The following CELF2 variants were observed in gnomAD, a reference collection of about 807,000 sequenced individuals.
CELF2 encodes the protein CUGBP Elav-like family member 2, also known as CUG triplet repeat RNA-binding protein 2.
A neutral mutation model predicts 62.6 loss-of-function variants in CELF2; 8 were observed. The ratio of observed to expected loss-of-function variants is 0.13; its 90% CI spans 0.07 to 0.23. CELF2 has a LOEUF of 0.23. Among genes scored for constraint, CELF2 ranks in the 10% least tolerant of loss-of-function variants. The probability of loss-of-function intolerance (pLI) is 1.00; values close to 1 mark genes in which losing one functional copy is unlikely to be tolerated. For synonymous variants in CELF2, 258 were observed against 250.0 expected (o/e 1.03, Z -0.30); for missense variants, 333 against 671.0 (o/e 0.50, Z 5.56).
At position 10,986,339 on chromosome 10, in the gene CELF2, A is replaced by G. The variant is rs370311655; in HGVS notation, c.89+66340A>G. On this transcript the variant is annotated intron_variant, in intron 2 of 13. Coordinates refer to the CELF2 transcript ENST00000636488. ...CTAAGAAAGCTGTTTTATAACATGG[A>G]CATAATCAAGTTTTCTGTGAGTCTG... Among the ~76,000 whole-genome samples the G allele has an allele frequency of 4.6e-5, 7 of 152,338 alleles. No homozygotes were observed. The East Asian group carries it at 1.2e-3, about 25-fold the overall frequency.
Position 11,224,386 on chromosome 10 carries a change from G to A in CELF2, c.354+6879G>A, listed in dbSNP as rs1178421928. On this transcript the variant is annotated intron_variant, in intron 3 of 12. Transcript: ENST00000633077. The surrounding 1 kb of genome is among the most constrained non-coding windows in gnomAD (Gnocchi z 4.5). The stretch of plus-strand genomic sequence containing the variant: ...GAGGGGATGGTAGGATGGTACAATG[G>A]CAAAATGAAGCCATAGTTAGATTTC... Among the ~76,000 whole-genome samples the A allele has an allele frequency of 6.6e-6, 1 of 152,120 alleles. No homozygotes were observed. The highest frequency in any genetic ancestry group is 6.5e-5 in the Admixed American group (1 of 15,278).
At chr10:11,273,236 G>A (rs566192932) in intron 7 of CELF2, among the ~76,000 whole-genome samples, 27 of 152,012 alleles carry the variant, frequency 1.8e-4, no homozygotes, top group East Asian at 1.7e-3. Flanking sequence ...TACCAGTACC[G>A]GTCCATGGCT....
At chr10:10,968,792 C>T (rs1439674900) in intron 2 of CELF2, among the ~76,000 whole-genome samples, 1 of 151,374 alleles carries the variant, frequency 6.6e-6, no homozygotes, top group East Asian at 1.9e-4. Context: ...TATTACTTTT[C>T]CTGGCAAAGA....
chr10:10,910,879 G>A (rs1451101555), intron 1 of CELF2, among the ~76,000 whole-genome samples: 1 of 152,160 alleles, frequency 6.6e-6, no homozygotes, highest in Non-Finnish European at 1.5e-5. Context: ...TCAAGAGCTG[G>A]TTACATTTGC....
At chr10:10,804,201 T>C (rs2054964027) in intron 1 of CELF2, among the ~76,000 whole-genome samples, 1 of 152,224 alleles carries the variant, frequency 6.6e-6, no homozygotes, top group African/African-American at 2.4e-5. Context: ...AGATGATGAA[T>C]ATTTCAGGTT....
chr10:10,577,008 A>G, the CELF2 span, among the ~76,000 whole-genome samples: 1 of 152,324 alleles, frequency 6.6e-6, no homozygotes, highest in Non-Finnish European at 1.5e-5. Flanking sequence ...CACTAATCAC[A>G]CAAAGGGGAA....
At chr10:11,091,948 C>T (rs2048438488) in intron 1 of CELF2, among the ~76,000 whole-genome samples, 1 of 152,160 alleles carries the variant, frequency 6.6e-6, no homozygotes, top group South Asian at 2.1e-4. Flanking sequence ...TTTAGAAAAG[C>T]AGAATAAAAT....
At chr10:11,216,712 C>T (rs2063452686) in intron 2 of CELF2, among the ~76,000 whole-genome samples, 1 of 152,220 alleles carries the variant, frequency 6.6e-6, no homozygotes, top group Non-Finnish European at 1.5e-5. Flanking sequence ...GGGCCGGGGA[C>T]TCCCACAGGC....
the CELF2 span, among the ~76,000 whole-genome samples, chr10:10,681,445 G>A: frequency 6.6e-6 from 1 of 152,068 alleles, no homozygotes; most frequent in Non-Finnish European, 1.5e-5. Flanking sequence ...GGATATGCAG[G>A]TCATACCCTC....
chr10:11,135,854 G>A (rs1226527065), intron 1 of CELF2, among the ~76,000 whole-genome samples: 5 of 152,150 alleles, frequency 3.3e-5, no homozygotes, highest in South Asian at 2.1e-4. Context: ...TGGCCTGGGC[G>A]GTGGTGGGGA....
chr10:11,257,790 G>A lies in CELF2; in HGVS notation c.456G>A (p.Glu152=). Residue 152 remains glutamate, a synonymous_variant, in exon 5 of 13, where the codon GAG becomes GAA. Transcript: ENST00000633077. ...GAATGGTATCGAAGAAATGTAATGA[G>A]AACGACATCAGGGTGATGTTCTCTC... The part of the protein sequence containing the change: ...FIGMVSKKCN[E]NDIRVMFSPF... The A allele has an allele frequency of 1.9e-6, 3 of 1,614,092 alleles. No homozygotes were observed. The highest frequency in any genetic ancestry group is 2.5e-6 in the Non-Finnish European group (3 of 1,179,912).
intron 1 of CELF2, among the ~76,000 whole-genome samples, chr10:11,106,100 C>G (rs569286392): frequency 4.9e-4 from 75 of 152,178 alleles, no homozygotes; most frequent in Middle Eastern, 6.8e-3. Context: ...TCAGATATGT[C>G]TTGATCATTT....
chr10:10,538,128 G>A, the CELF2 span, among the ~76,000 whole-genome samples: 1 of 152,192 alleles, frequency 6.6e-6, no homozygotes, highest in Non-Finnish European at 1.5e-5. Context: ...AGAGCATCCT[G>A]AGAGTTGTTG....
intron 1 of CELF2, among the ~76,000 whole-genome samples, chr10:11,048,407 A>G (rs749570119): frequency 6.6e-6 from 1 of 152,148 alleles, no homozygotes; most frequent in Non-Finnish European, 1.5e-5. Context: ...AACCTGACAT[A>G]TACTTGATAA....
At chr10:11,286,067 C>A (rs1417801212) in intron 8 of CELF2, among the ~76,000 whole-genome samples, 2 of 152,180 alleles carry the variant, frequency 1.3e-5, no homozygotes, top group Admixed American at 6.5e-5. Flanking sequence ...TAAATGTAAA[C>A]CCTGTCTCCT....
chr10:11,019,498 A>G (rs2057943722), intron 1 of CELF2, among the ~76,000 whole-genome samples: 1 of 151,992 alleles, frequency 6.6e-6, no homozygotes, highest in South Asian at 2.1e-4. Flanking sequence ...CTGCCATGCT[A>G]GATTCTTTTT....
chr10:10,668,401 G>A, the CELF2 span, among the ~76,000 whole-genome samples: 3 of 152,298 alleles, frequency 2.0e-5, no homozygotes, highest in African/African-American at 7.2e-5. Flanking sequence ...TTGACTGGCT[G>A]CTGCTTCATG....
intron 1 of CELF2, among the ~76,000 whole-genome samples, chr10:10,838,307 A>C (rs182219943): frequency 6.6e-6 from 1 of 152,326 alleles, no homozygotes; most frequent in East Asian, 1.9e-4. Context: ...CATGCTATCA[A>C]CATGGCTTCT....
At chr10:10,926,944 C>G (rs905648019) in intron 2 of CELF2, 1 of 152,196 alleles carries the variant, frequency 6.6e-6, no homozygotes, top group Non-Finnish European at 1.5e-5. Flanking sequence ...ATGAAGTGCT[C>G]TCTTCATTGT....
Sources: allele counts gnomAD v4.1 joint callset (sites outside exome capture counted in the v4.1 genomes callset), GRCh38; gene constraint gnomAD v4.1.1; non-coding constraint Gnocchi (gnomAD v3.1); transcripts MANE v1.5; gene names NCBI Gene and HGNC (gene_info 2026-07-23, HGNC 2026-07-21).